The following FARP1 variants were observed in gnomAD, a reference collection of about 807,000 sequenced individuals.
FARP1 encodes the protein FERM, ARH/RhoGEF and pleckstrin domain protein 1.
In FARP1, 52 loss-of-function variants were observed where a neutral mutation model predicts 128.8. That is an observed-to-expected ratio of 0.40 (90% CI 0.32 to 0.51). FARP1 has a LOEUF of 0.51. Among genes scored for constraint, FARP1 ranks in the 20% least tolerant of loss-of-function variants. The pLI is 0.45. For synonymous variants in FARP1, 580 were observed against 551.8 expected, an observed-to-expected ratio of 1.05 and a Z score of -0.72; for missense variants, 1,333 against 1,367.9, an observed-to-expected ratio of 0.97 and a Z score of 0.40.
intron 2 of FARP1, among the ~76,000 whole-genome samples, chr13:98,320,701 C>T (rs1886952060): frequency 6.6e-6 from 1 of 152,208 alleles, no homozygotes; most frequent in East Asian, 1.9e-4. Flanking sequence ...ACACCTCCAA[C>T]AATGGTATCT....
intron 2 of FARP1, among the ~76,000 whole-genome samples, chr13:98,240,198 G>T (rs548790339): frequency 1.3e-5 from 2 of 152,204 alleles, no homozygotes; most frequent in African/African-American, 4.8e-5. Flanking sequence ...TAGCACAACC[G>T]ATTCAGGGTA....
rs372029407 is a variant in FARP1 at position 98,370,762 on chromosome 13, G to C, written c.398+2567G>C. 7.5e-4 allele frequency among the ~76,000 whole-genome samples: 114 copies of C among 152,322 alleles called. 1 individual carries two copies. The highest frequency in any genetic ancestry group is 2.6e-3 in the African/African-American group (108 of 41,568). ...AGGAATGTGCAGCTCCAGGGAGACA[G>C]TGACAAAGACTTCCCACTGCTTTGT... On this transcript the variant is annotated intron_variant, in intron 5 of 26. Transcript: ENST00000319562.
intron 8 of FARP1, among the ~76,000 whole-genome samples, chr13:98,387,103 C>CTA (rs759738333): frequency 3.9e-5 from 6 of 152,162 alleles, no homozygotes; most frequent in Non-Finnish European, 7.4e-5. Flanking sequence ...GAGTTCGAGA[C>CTA]TAGCCTGGTC....
chr13:98,268,559 C>G (rs915792887), intron 2 of FARP1, among the ~76,000 whole-genome samples: 4 of 152,166 alleles, frequency 2.6e-5, no homozygotes, highest in African/African-American at 4.8e-5. Flanking sequence ...CCTCCACCTC[C>G]TGGGTTCAAA....
chr13:98,314,719 C>T (rs755775844), intron 2 of FARP1, among the ~76,000 whole-genome samples: 6 of 152,218 alleles, frequency 3.9e-5, no homozygotes, highest in Non-Finnish European at 5.9e-5. Flanking sequence ...CAGCCAGGCC[C>T]TGCAAATTGC....
intron 1 of FARP1, among the ~76,000 whole-genome samples, chr13:98,146,513 T>G (rs1875576656): frequency 6.6e-6 from 1 of 152,156 alleles, no homozygotes; most frequent in Non-Finnish European, 1.5e-5. Flanking sequence ...CAGGCGTGAG[T>G]CACAGAGCCT....
chr13:98,172,196 G>A (rs1403770949), intron 1 of FARP1, among the ~76,000 whole-genome samples: 2 of 151,820 alleles, frequency 1.3e-5, no homozygotes, highest in African/African-American at 2.4e-5. Flanking sequence ...TTTCTCAGTG[G>A]GAGTCCTGCG....
At position 98,453,363 on chromosome 13, in the gene FARP1, A is replaced by G. The variant is rs1893291839; in HGVS notation, c.*5046A>G. 1 of 739,024 alleles carries G rather than the reference A, an allele frequency of 1.4e-6. No homozygotes were observed. The highest frequency in any genetic ancestry group is 2.2e-6 in the Non-Finnish European group (1 of 455,726). The allele number at this position is 739,024 out of a possible 1,614,324, so 45.8% of individuals were successfully genotyped here. A position where few individuals can be genotyped will look rare whatever the true frequency, so the allele number is the denominator to read the frequency against. Reference sequence around the variant, plus strand: ...ATCAATGTGTAAGTCTAATTTTAAAAGAATGCATATAAAGACTGAGAAGAT... The same window carrying G: ...ATCAATGTGTAAGTCTAATTTTAAAGGAATGCATATAAAGACTGAGAAGAT... On this transcript the variant is annotated 3_prime_UTR_variant, in exon 27 of 27. Transcript: ENST00000319562.
rs76126570 is a variant in FARP1 at position 98,275,207 on chromosome 13, G to A, written c.171+61794G>A. Among the ~76,000 whole-genome samples, 1,332 of 152,044 alleles carry A rather than the reference G, an allele frequency of 8.8e-3. 5 individuals carry two copies. Among genetic ancestry groups the A allele is most frequent in the Non-Finnish European group, 0.013 (883 of 67,996 alleles). On this transcript the variant is annotated intron_variant, in intron 2 of 26. Transcript: ENST00000319562. ...TTAAACTCTAATGTTACAGAATATC[G>A]TAAACACGAACAGATGAATTCAGAT... is the stretch of plus-strand genomic sequence containing the variant.
intron 8 of FARP1, among the ~76,000 whole-genome samples, chr13:98,386,241 G>A (rs1328999161): frequency 7.0e-6 from 1 of 143,504 alleles, no homozygotes. Flanking sequence ...AGCTTATTTG[G>A]TCGGGACTTC....
chr13:98,395,554 G>C, intron 13 of FARP1, 78 bp downstream of exon 13: 2 of 1,462,808 alleles, frequency 1.4e-6, no homozygotes, highest in South Asian at 2.8e-5. Flanking sequence ...TAGCGAATAC[G>C]ACCTTCTTAG....
At chr13:98,302,166 C>G (rs1474993974) in intron 2 of FARP1, among the ~76,000 whole-genome samples, 1 of 152,182 alleles carries the variant, frequency 6.6e-6, no homozygotes, top group Non-Finnish European at 1.5e-5. Context: ...ACCAAGTTAG[C>G]TGTTAACTCT....
intron 2 of FARP1, among the ~76,000 whole-genome samples, chr13:98,316,794 C>T (rs1886741710): frequency 6.6e-6 from 1 of 152,170 alleles, no homozygotes. Context: ...TGTGATGGAA[C>T]CAGAGATAAC....
rs370875782 is a variant in FARP1 at position 98,399,983 on chromosome 13, C to T, written c.1414+4507C>T. 6.6e-5 allele frequency: 10 copies of T among 152,286 alleles called. No homozygotes were observed. The South Asian group carries it at 2.1e-3, about 32-fold the overall frequency. The allele number at this position is 152,286 out of a possible 1,614,324, so 9.4% of individuals were successfully genotyped here. A position where few individuals can be genotyped will look rare whatever the true frequency, so the allele number is the denominator to read the frequency against. On this transcript the variant is annotated intron_variant, in intron 13 of 26. Coordinates refer to ENST00000319562, the MANE Select transcript of FARP1 (RefSeq NM_005766.4). ...TGAACAGTCATCTGTATGCCATTGACAATATTTTATTAGATAGGCGTTTAA... is the reference window on the plus strand; with the variant it reads ...TGAACAGTCATCTGTATGCCATTGATAATATTTTATTAGATAGGCGTTTAA...
At chr13:98,161,871 C>G (rs1876911686) in intron 1 of FARP1, among the ~76,000 whole-genome samples, 1 of 152,022 alleles carries the variant, frequency 6.6e-6, no homozygotes, top group Non-Finnish European at 1.5e-5. Context: ...CCTCAACCTC[C>G]TAGGCCCAAG....
At chr13:98,431,437 G>C in intron 18 of FARP1, 157 bp downstream of exon 18, 1 of 551,464 alleles carries the variant, frequency 1.8e-6, no homozygotes, top group Non-Finnish European at 3.2e-6. Context: ...TTTTATTCCT[G>C]CTCTGGTGTT....
intron 2 of FARP1, among the ~76,000 whole-genome samples, chr13:98,218,196 G>A (rs569023204): frequency 6.0e-5 from 8 of 134,274 alleles, no homozygotes; most frequent in African/African-American, 1.7e-4. Flanking sequence ...AAACACCCAC[G>A]CCATCCTCAC....
chr13:98,287,825 C>G (rs1222598200), intron 2 of FARP1, among the ~76,000 whole-genome samples: 1 of 119,714 alleles, frequency 8.4e-6, no homozygotes, highest in African/African-American at 3.3e-5. Context: ...TTTTTTGAGA[C>G]GTAGTCTCGC....
chr13:98,412,574 C>T (rs1424775455), intron 16 of FARP1, among the ~76,000 whole-genome samples: 1 of 152,200 alleles, frequency 6.6e-6, no homozygotes, highest in East Asian at 1.9e-4. Flanking sequence ...TAAACAAAGA[C>T]ATCCAATGAA....
Sources: allele counts gnomAD v4.1 joint callset (sites outside exome capture counted in the v4.1 genomes callset), GRCh38; gene constraint gnomAD v4.1.1; transcripts MANE v1.5; gene names NCBI Gene and HGNC (gene_info 2026-07-23, HGNC 2026-07-21).